MYO16: variants seen among roughly 807,000 people sequenced by gnomAD.
MYO16 encodes the protein myosin XVI.
Under a neutral mutation model 205.3 loss-of-function variants are expected in MYO16, and 94 were observed. The ratio of observed to expected loss-of-function variants is 0.46; its 90% CI spans 0.39 to 0.54. The LOEUF is 0.54. Ranked by LOEUF, MYO16 falls within the 20% of genes least tolerant of loss-of-function variation. The probability of loss-of-function intolerance (pLI) is 0.00; values close to 1 mark genes in which losing one functional copy is unlikely to be tolerated. For missense variants in MYO16, 2,315 were observed against 2,387.5 expected, an observed-to-expected ratio of 0.97 and a Z score of 0.63; for synonymous variants, 988 against 954.0, an observed-to-expected ratio of 1.04 and a Z score of -0.66.
At chr13:108,802,817 G>T (rs1363967182) in intron 6 of MYO16, among the ~76,000 whole-genome samples, 1 of 152,122 alleles carries the variant, frequency 6.6e-6, no homozygotes, top group African/African-American at 2.4e-5. Flanking sequence ...GCACCCTAAT[G>T]ATTAGTAATG....
At chr13:108,884,719 C>T (rs1284605220) in intron 13 of MYO16, among the ~76,000 whole-genome samples, 4 of 150,600 alleles carry the variant, frequency 2.7e-5, no homozygotes, top group Non-Finnish European at 5.9e-5. Context: ...ATGAGAAAGG[C>T]TCTGAGACAC....
chr13:109,005,446 T>G (rs4771624), intron 21 of MYO16, among the ~76,000 whole-genome samples: 55,249 of 151,978 alleles, frequency 0.36, 10,423 homozygotes, highest in East Asian at 0.66. Context: ...AATGTCAATA[T>G]GTGATATTCA....
At position 108,647,153 on chromosome 13, in the gene MYO16, C is replaced by T. The variant is rs140014469; in HGVS notation, c.28+17281C>T. Among the ~76,000 whole-genome samples the T allele has an allele frequency of 5.9e-5, 9 of 152,204 alleles. No individual in the cohort carries two copies. In the East Asian group the frequency reaches 1.7e-3, roughly 29 times the overall value. ...CTTTTCTTTCTCTACCTTCTGACTC[C>T]ACTTTCTCCCTTGTCACCCAGTAGG... On this transcript the variant is annotated intron_variant, in intron 1 of 34. Transcript: ENST00000457511.
At chr13:109,038,702 C>T (rs1248505442) in intron 23 of MYO16, among the ~76,000 whole-genome samples, 5 of 151,886 alleles carry the variant, frequency 3.3e-5, no homozygotes, top group African/African-American at 9.7e-5. Context: ...AGAAAACATT[C>T]GGGCTGTCTT....
chr13:108,957,803 A>G lies in MYO16; in HGVS notation c.2037+4A>G, dbSNP rs1445326290. The stretch of plus-strand genomic sequence containing the variant: ...TGTAGTTGGCTTCAGCAGCTTGGTG[A>G]GTCATGTCATAAATATTTCACTGAG... On this transcript the variant is annotated splice_donor_region_variant and intron_variant, in intron 17 of 34. Coordinates refer to ENST00000457511, the MANE Select transcript of MYO16 (RefSeq NM_001198950.3). The G allele has an allele frequency of 1.3e-6, 2 of 1,598,206 alleles. No individual in the cohort carries two copies.
chr13:109,106,028 A>G (rs1028802554), intron 28 of MYO16, among the ~76,000 whole-genome samples: 2 of 152,242 alleles, frequency 1.3e-5, no homozygotes, highest in African/African-American at 4.8e-5. Context: ...AGTCAGAGCC[A>G]CGTCCTTATT....
intron 13 of MYO16, among the ~76,000 whole-genome samples, chr13:108,885,090 G>A (rs1250345331): frequency 2.6e-5 from 4 of 152,182 alleles, no homozygotes; most frequent in Non-Finnish European, 5.9e-5. Context: ...CTAGACTCAA[G>A]GATGAGAAAG....
the MYO16 span, among the ~76,000 whole-genome samples, chr13:108,568,367 C>T: frequency 6.6e-6 from 1 of 152,058 alleles, no homozygotes; most frequent in African/African-American, 2.4e-5. Flanking sequence ...TTATAATTGT[C>T]TGAGTTTTGA....
At chr13:108,737,838 T>C (rs968453484) in intron 4 of MYO16, among the ~76,000 whole-genome samples, 14 of 152,224 alleles carry the variant, frequency 9.2e-5, no homozygotes, top group Non-Finnish European at 1.6e-4. Flanking sequence ...TATTCAGAGA[T>C]TCAACTTCTT....
At chr13:108,887,721 G>C (rs565500920) in intron 13 of MYO16, among the ~76,000 whole-genome samples, 2 of 152,300 alleles carry the variant, frequency 1.3e-5, no homozygotes, top group African/African-American at 4.8e-5. Context: ...ACCTAAGCAG[G>C]TCAGGTTTAG....
At chr13:109,088,770 G>A (rs942826555) in intron 27 of MYO16, among the ~76,000 whole-genome samples, 4 of 152,160 alleles carry the variant, frequency 2.6e-5, no homozygotes, top group South Asian at 2.1e-4. Flanking sequence ...AAGACACAGC[G>A]CCTTTAGACA....
chr13:108,753,525 A>G (rs1321543456), intron 4 of MYO16, among the ~76,000 whole-genome samples: 1 of 152,162 alleles, frequency 6.6e-6, no homozygotes, highest in African/African-American at 2.4e-5. Context: ...CAAAAACATT[A>G]AGAGGATTCT....
At chr13:108,625,040 C>G (rs188960482), upstream of MYO16, among the ~76,000 whole-genome samples, 163 of 152,294 alleles carry the variant, frequency 1.1e-3, 1 homozygote, top group Admixed American at 5.3e-3. Context: ...CAGGGCTCAG[C>G]TGGGTTAGCC....
chr13:109,044,131 CTA>C (rs1833035325), intron 23 of MYO16, among the ~76,000 whole-genome samples: 1 of 145,906 alleles, frequency 6.9e-6, no homozygotes, highest in African/African-American at 2.5e-5. Context: ...GAATGACTGA[CTA>C]TGATGAAAAA....
intron 27 of MYO16, among the ~76,000 whole-genome samples, chr13:109,059,693 G>T (rs1464665941): frequency 1.3e-5 from 2 of 151,784 alleles, no homozygotes; most frequent in African/African-American, 2.4e-5. Context: ...CAAAAATTTT[G>T]CCCCACTCTG....
intron 25 of MYO16, among the ~76,000 whole-genome samples, chr13:109,054,063 T>G (rs1887336458): frequency 6.6e-6 from 1 of 152,148 alleles, no homozygotes; most frequent in Non-Finnish European, 1.5e-5. Flanking sequence ...TCCATTAGTC[T>G]AATATATAAT....
At chr13:109,193,566 GA>G (rs912813313) in intron 34 of MYO16, among the ~76,000 whole-genome samples, 39 of 151,318 alleles carry the variant, frequency 2.6e-4, no homozygotes, top group Middle Eastern at 3.4e-3. Flanking sequence ...ATTATTTCTG[GA>G]AAAAAAAATT....
At chr13:108,824,698 C>A (rs1351810327) in intron 9 of MYO16, among the ~76,000 whole-genome samples, 2 of 151,994 alleles carry the variant, frequency 1.3e-5, no homozygotes, top group African/African-American at 4.8e-5. Flanking sequence ...ATGGAACATT[C>A]TTTTACTAAA....
At position 108,804,576 on chromosome 13, in the gene MYO16, C is replaced by A. The variant is rs528027840; in HGVS notation, c.742-2103C>A. Among the ~76,000 whole-genome samples, 7 of 152,178 alleles carry A rather than the reference C, an allele frequency of 4.6e-5. No individual in the cohort carries two copies. In the East Asian group the frequency reaches 9.7e-4, roughly 21 times the overall value. On this transcript the variant is annotated intron_variant, in intron 6 of 34. Coordinates refer to ENST00000457511, the MANE Select transcript of MYO16 (RefSeq NM_001198950.3). Reference sequence around the variant, plus strand: ...TGTTCTTAGTGATGAGAAACTATATCCCACAGAGGCTAGCTGTTTGCTTAT... The same window carrying A: ...TGTTCTTAGTGATGAGAAACTATATACCACAGAGGCTAGCTGTTTGCTTAT...
Sources: allele counts gnomAD v4.1 joint callset (sites outside exome capture counted in the v4.1 genomes callset), GRCh38; gene constraint gnomAD v4.1.1; transcripts MANE v1.5; gene names NCBI Gene and HGNC (gene_info 2026-07-23, HGNC 2026-07-21).